The following TARDBP variants were observed in gnomAD, a reference collection of about 807,000 sequenced individuals.
TARDBP encodes TAR DNA binding protein, also known as TAR DNA-binding protein 43.
TARDBP carries 4 observed loss-of-function variants against 38.3 expected under a neutral mutation model. The ratio of observed to expected loss-of-function variants is 0.10; its 90% CI spans 0.05 to 0.24. The LOEUF is 0.24. Among genes scored for constraint, TARDBP ranks in the 10% least tolerant of loss-of-function variants. The pLI is 1.00. For missense variants in TARDBP, 202 were observed against 521.9 expected (o/e 0.39, Z 5.97); for synonymous variants, 184 against 183.8 (o/e 1.00, Z -0.01).
In TARDBP at chr1:11,024,914, T is replaced by A. The variant is rs1241104365; in HGVS notation, c.*2260T>A. 6.8e-6 allele frequency: 1 copy of A among 146,314 alleles called. No homozygotes were observed. Among genetic ancestry groups the A allele is most frequent in the Non-Finnish European group, 1.5e-5 (1 of 67,068 alleles). 9.1% of individuals were successfully genotyped at this position (146,314 alleles called of 1,614,324 possible). A position where few individuals can be genotyped will look rare whatever the true frequency, so the allele number is the denominator to read the frequency against. On this transcript the variant is annotated 3_prime_UTR_variant, in exon 6 of 6. Transcript: ENST00000240185. Reference sequence around the variant, plus strand: ...ACCTAATGCCCTTACCTAATTAGATTATGATAAATAGGTTTGTCATTTTGC... The same window carrying A: ...ACCTAATGCCCTTACCTAATTAGATAATGATAAATAGGTTTGTCATTTTGC...
chr1:11,016,984 T>G lies in TARDBP; in HGVS notation c.379T>G (p.Phe127Val), dbSNP rs1310182115. The G allele has an allele frequency of 6.2e-7, 1 of 1,614,192 alleles. No individual in the cohort carries two copies. The highest frequency in any genetic ancestry group is 8.5e-7 in the Non-Finnish European group (1 of 1,180,028). The part of the protein sequence containing the change: ...EQDLKEYFST[F>V]GEVLMVQVKK... Reference sequence around the variant, plus strand: ...GGACCTGAAAGAGTATTTTAGTACCTTTGGAGAAGTTCTTATGGTGCAGGT... The same window carrying G: ...GGACCTGAAAGAGTATTTTAGTACCGTTGGAGAAGTTCTTATGGTGCAGGT... The change falls in exon 3 of 6, where the codon TTT becomes GTT. Residue 127 changes from phenylalanine (F) to valine (V), a missense_variant. Physicochemically the swap from Phe to Val is conservative, Grantham distance 50. This residue lies in a region of TARDBP where 71 missense variants were observed against 185.4 expected (regional missense o/e 0.38). Coordinates refer to ENST00000240185, the MANE Select transcript of TARDBP (RefSeq NM_007375.4).
In TARDBP at chr1:11,013,876, G is replaced by T; in HGVS notation, c.149G>T (p.Cys50Phe). 1 of 1,614,220 alleles carries T rather than the reference G, an allele frequency of 6.2e-7. No homozygotes were observed. Among genetic ancestry groups the T allele is most frequent in the Non-Finnish European group, 8.5e-7 (1 of 1,180,022 alleles). Residue 50 changes from cysteine (C) to phenylalanine (F), a missense_variant, in exon 2 of 6, where the codon TGT (cysteine) becomes TTT (phenylalanine). Physicochemically the swap from Cys to Phe is radical, Grantham distance 205. Coordinates refer to ENST00000240185, the MANE Select transcript of TARDBP (RefSeq NM_007375.4). Reference protein sequence around the residue: ...GLRYRNPVSQCMRGVRLVEGI... With the variant: ...GLRYRNPVSQFMRGVRLVEGI... Reference sequence around the variant, plus strand: ...CGCTACAGGAATCCAGTGTCTCAGTGTATGAGAGGTGTCCGGCTGGTAGAA... The same window carrying T: ...CGCTACAGGAATCCAGTGTCTCAGTTTATGAGAGGTGTCCGGCTGGTAGAA...
At chr1:11,030,436 A>G, downstream of TARDBP, 1 of 593,800 alleles carries the variant, frequency 1.7e-6, no homozygotes, top group Non-Finnish European at 3.0e-6. Context: ...TGCAAAGTGG[A>G]AACCTTTTAG....
downstream of TARDBP, chr1:11,030,022 G>T: frequency 1.7e-6 from 1 of 580,844 alleles, no homozygotes; most frequent in African/African-American, 1.9e-5. Context: ...TGGGAAGGGG[G>T]TAATGAGAAC....
chr1:11,027,406 A>T, downstream of TARDBP: 2 of 1,614,214 alleles, frequency 1.2e-6, no homozygotes, highest in Non-Finnish European at 1.7e-6. Flanking sequence ...ACAGCTTCAG[A>T]CCAGGCTTGT....
At chr1:11,030,213 GC>G (rs772929485), downstream of TARDBP, 45 of 1,613,552 alleles carry the variant, frequency 2.8e-5, no homozygotes, top group Middle Eastern at 3.3e-4. Context: ...CTCCTTTGGA[GC>G]TCGTCCAGAA....
At chr1:11,021,094 T>C (rs911309464) in intron 5 of TARDBP, among the ~76,000 whole-genome samples, 6 of 152,128 alleles carry the variant, frequency 3.9e-5, no homozygotes, top group African/African-American at 9.7e-5. Context: ...AAAGTAAATA[T>C]GCCTTTAGAT....
At chr1:11,027,182 G>A (rs972483649), downstream of TARDBP, 10 of 1,613,956 alleles carry the variant, frequency 6.2e-6, no homozygotes, top group Non-Finnish European at 8.5e-6. Flanking sequence ...TCGGTATGTC[G>A]ACATACATTA....
chr1:11,017,512 A>AT (rs1167852866), intron 3 of TARDBP, among the ~76,000 whole-genome samples: 1 of 151,808 alleles, frequency 6.6e-6, no homozygotes, highest in African/African-American at 2.4e-5. Context: ...CATTCTTGTT[A>AT]TTTTAATGGC....
At position 11,022,041 on chromosome 1, in the gene TARDBP, CT is replaced by C; in HGVS notation, c.715-81del. The C allele has an allele frequency of 6.6e-7, 1 of 1,509,840 alleles. No homozygotes were observed. Among genetic ancestry groups the C allele is most frequent in the Non-Finnish European group, 9.2e-7 (1 of 1,089,860 alleles). 93.5% of individuals were successfully genotyped at this position (1,509,840 alleles called of 1,614,324 possible). A position where few individuals can be genotyped will look rare whatever the true frequency, so the allele number is the denominator to read the frequency against. ...TCCTCTGGCTTTAGATAAATTAATG[CT>C]TGTAATCTAAGTTTTGTTGCTACTT... On this transcript the variant is annotated intron_variant, in intron 5 of 5. Coordinates refer to ENST00000240185, the MANE Select transcript of TARDBP (RefSeq NM_007375.4). This position sits in a 1 kb window ranked among gnomAD's most constrained non-coding sequence, Gnocchi z 4.5.
At chr1:11,029,001 CT>C (rs1177051448), downstream of TARDBP, among the ~76,000 whole-genome samples, 3 of 129,990 alleles carry the variant, frequency 2.3e-5, no homozygotes, top group African/African-American at 2.8e-5. Flanking sequence ...TTCTTTTTCT[CT>C]TTTTTTTTGA....
chr1:11,017,626 T>C (rs990519078), intron 3 of TARDBP, among the ~76,000 whole-genome samples: 10 of 152,234 alleles, frequency 6.6e-5, no homozygotes, highest in South Asian at 2.1e-4. Context: ...ATCCTACTGT[T>C]GCATGAAGGC....
intron 3 of TARDBP, among the ~76,000 whole-genome samples, chr1:11,017,503 A>G (rs2100846233): frequency 1.3e-5 from 2 of 151,926 alleles, no homozygotes; most frequent in Middle Eastern, 6.8e-3. Context: ...GCCCGGCCAC[A>G]TTCTTGTTAT....
At chr1:11,015,505 A>G (rs1007064520) in intron 2 of TARDBP, 2 of 150,298 alleles carry the variant, frequency 1.3e-5, no homozygotes, top group African/African-American at 4.9e-5. Flanking sequence ...TTTAAATGTC[A>G]TTTAATTTAT....
chr1:11,027,292 AAATAGGCGTGATGTTGC>A (rs747236977), downstream of TARDBP: 7 of 1,614,020 alleles, frequency 4.3e-6, no homozygotes, highest in South Asian at 6.6e-5. Flanking sequence ...CTTGGCAGAC[AAATAGGCGTGATGTTGC>A]TATTGATTAC....
Position 11,013,796 on chromosome 1 carries a change from T to C in TARDBP, c.69T>C (p.Asp23=). The C allele has an allele frequency of 6.2e-7, 1 of 1,613,894 alleles. No homozygotes were observed. The highest frequency in any genetic ancestry group is 8.5e-7 in the Non-Finnish European group (1 of 1,179,826). The change falls in exon 2 of 6, where the codon GAT becomes GAC. Residue 23 remains aspartate (D), a synonymous_variant. Coordinates refer to ENST00000240185, the MANE Select transcript of TARDBP (RefSeq NM_007375.4). ...DEPIEIPSED[D]GTVLLSTVTA... ...CCATTGAAATACCATCGGAAGACGA[T>C]GGGACGGTGCTGCTCTCCACGGTTA... is the stretch of plus-strand genomic sequence containing the variant.
At chr1:11,025,599 A>G (rs537454748), downstream of TARDBP, 2 of 152,312 alleles carry the variant, frequency 1.3e-5, no homozygotes, top group South Asian at 4.1e-4. Flanking sequence ...AAAAAAGAAA[A>G]TAATAAAAAT....
At chr1:11,028,983 C>CT (rs200906324), downstream of TARDBP, among the ~76,000 whole-genome samples, 7 of 134,528 alleles carry the variant, frequency 5.2e-5, no homozygotes, top group African/African-American at 8.3e-5. Flanking sequence ...AAAGTGCTGA[C>CT]TTTTTTTTTC....
intron 4 of TARDBP, chr1:11,019,126 G>T (rs989617152): frequency 3.9e-6 from 2 of 512,760 alleles, no homozygotes; most frequent in Non-Finnish European, 7.0e-6. Context: ...AAAGAGAAAA[G>T]GTTATTTGTC....
Sources: gnomAD v4.1 joint callset for allele counts (sites outside exome capture counted in the v4.1 genomes callset) on GRCh38, gnomAD v4.1.1 for gene constraint, gnomAD v4.1.1 regional missense constraint, Gnocchi (gnomAD v3.1) non-coding constraint, MANE v1.5 for transcripts, NCBI Gene and HGNC (gene_info 2026-07-23, HGNC 2026-07-21) for gene names.